GRM7: variants seen among roughly 807,000 people sequenced by gnomAD.
GRM7 encodes the protein metabotropic glutamate receptor 7.
GRM7 carries 35 observed loss-of-function variants against 84.5 expected under a neutral mutation model. The ratio of observed to expected loss-of-function variants is 0.41; its 90% confidence interval spans 0.32 to 0.55. The LOEUF is 0.55. GRM7 is among the 20% of genes least tolerant of loss of function. GRM7 has a pLI of 0.19. For missense variants in GRM7, 1,003 were observed against 1,194.6 expected, an observed-to-expected ratio of 0.84 and a Z score of 2.36; for synonymous variants, 487 against 455.1, an observed-to-expected ratio of 1.07 and a Z score of -0.89.
chr3:7,454,857 C>G (rs1215834779), intron 6 of GRM7, among the ~76,000 whole-genome samples: 1 of 151,892 alleles, frequency 6.6e-6, no homozygotes, highest in African/African-American at 2.4e-5. Flanking sequence ...GGCTCTGTTC[C>G]CTGAGAGGGC....
At chr3:7,163,333 G>C (rs1694694778) in intron 2 of GRM7, among the ~76,000 whole-genome samples, 1 of 152,204 alleles carries the variant, frequency 6.6e-6, no homozygotes. Context: ...AGGAGTGCTA[G>C]CTTCCTGATA....
At chr3:7,335,792 A>G (rs1701395320) in intron 4 of GRM7, among the ~76,000 whole-genome samples, 2 of 152,082 alleles carry the variant, frequency 1.3e-5, no homozygotes, top group African/African-American at 4.8e-5. Flanking sequence ...ATGCACACAA[A>G]CTAGAAAACC....
chr3:6,869,502 T>C (rs994745071), intron 1 of GRM7, among the ~76,000 whole-genome samples: 7 of 152,216 alleles, frequency 4.6e-5, no homozygotes, highest in African/African-American at 1.7e-4. Context: ...ATAGTAGTTA[T>C]GCTGGATTAC....
intron 7 of GRM7, among the ~76,000 whole-genome samples, chr3:7,500,372 C>T (rs1463760823): frequency 1.3e-5 from 2 of 152,130 alleles, no homozygotes; most frequent in Admixed American, 1.3e-4. Flanking sequence ...AATTCAGAGT[C>T]GGTGTTTGCT....
chr3:7,086,966 C>T (rs993147605), intron 1 of GRM7, among the ~76,000 whole-genome samples: 23 of 152,064 alleles, frequency 1.5e-4, no homozygotes, highest in African/African-American at 5.3e-4. Flanking sequence ...CTCATATTTC[C>T]TTCCAGCAGT....
chr3:7,175,866 A>C (rs1172113970), intron 2 of GRM7, among the ~76,000 whole-genome samples: 5 of 152,132 alleles, frequency 3.3e-5, no homozygotes, highest in Admixed American at 1.3e-4. Context: ...AATAAGCATC[A>C]TCAAAAGTAA....
At chr3:7,257,796 C>T (rs535736513) in intron 2 of GRM7, among the ~76,000 whole-genome samples, 78 of 152,234 alleles carry the variant, frequency 5.1e-4, no homozygotes, top group Non-Finnish European at 1.0e-3. Context: ...TGAATCTTTC[C>T]TTAACTTTTA....
chr3:7,124,609 C>G (rs902919764), intron 1 of GRM7, among the ~76,000 whole-genome samples: 31 of 152,054 alleles, frequency 2.0e-4, no homozygotes, highest in Non-Finnish European at 1.5e-5. Flanking sequence ...ATTATTTTGC[C>G]AGGATAGACA....
intron 1 of GRM7, among the ~76,000 whole-genome samples, chr3:6,939,572 T>C (rs1168754584): frequency 6.6e-6 from 1 of 152,188 alleles, no homozygotes. Context: ...ATGTAAGTTT[T>C]AGATAGTGAG....
At chr3:6,918,758 A>G (rs1697024960) in intron 1 of GRM7, among the ~76,000 whole-genome samples, 1 of 152,146 alleles carries the variant, frequency 6.6e-6, no homozygotes, top group South Asian at 2.1e-4. Flanking sequence ...GGCTCAGATA[A>G]TAGGAGAAAT....
chr3:7,319,697 G>T (rs1700704399), intron 4 of GRM7, among the ~76,000 whole-genome samples: 1 of 151,938 alleles, frequency 6.6e-6, no homozygotes, highest in Admixed American at 6.6e-5. Context: ...TTACACAAAA[G>T]CCAACAGGTT....
Position 7,263,856 on chromosome 3 carries a change from C to T in GRM7, c.737-34828C>T, listed in dbSNP as rs570423335. Among the ~76,000 whole-genome samples the T allele has an allele frequency of 4.6e-5, 7 of 152,180 alleles. No individual in the cohort carries two copies. In the South Asian group the frequency reaches 1.2e-3, roughly 27 times the overall value. ...CTGGCAGCAGTGGCATAGCAGGGTG[C>T]GTGCTACAGGCATGCTGGTGGGGAA... On this transcript the variant is annotated intron_variant, in intron 2 of 9. Coordinates refer to ENST00000357716, the MANE Select transcript of GRM7 (RefSeq NM_000844.4).
chr3:6,902,127 C>T (rs979464120), intron 1 of GRM7, among the ~76,000 whole-genome samples: 3 of 152,178 alleles, frequency 2.0e-5, no homozygotes, highest in African/African-American at 7.2e-5. Context: ...AATTTATTCA[C>T]TTCAACCAGA....
chr3:7,199,100 G>A (rs774400820), intron 2 of GRM7, among the ~76,000 whole-genome samples: 15 of 152,222 alleles, frequency 9.9e-5, no homozygotes, highest in South Asian at 2.1e-4. Context: ...CCATTGATCC[G>A]CTCCTTAAAT....
At chr3:7,376,394 A>C (rs927212674) in intron 4 of GRM7, among the ~76,000 whole-genome samples, 2 of 152,096 alleles carry the variant, frequency 1.3e-5, no homozygotes, top group Admixed American at 1.3e-4. Context: ...CCTACCCCAC[A>C]CCTATGCAAA....
chr3:6,906,483 T>C (rs1696582791), intron 1 of GRM7, among the ~76,000 whole-genome samples: 1 of 152,176 alleles, frequency 6.6e-6, no homozygotes, highest in Non-Finnish European at 1.5e-5. Flanking sequence ...CAATTTGACT[T>C]AAAAATTTTA....
rs546498557 is a variant in GRM7 at position 7,188,621 on chromosome 3, T to G, written c.736+41953T>G. The stretch of plus-strand genomic sequence containing the variant: ...AAAGATATTGGAATAAAGGATCTAC[T>G]TGAGTGTATAAGGGTTGGGGAGACA... On this transcript the variant is annotated intron_variant, in intron 2 of 9. Coordinates refer to ENST00000357716, the MANE Select transcript of GRM7 (RefSeq NM_000844.4). The surrounding 1 kb of genome is among the most constrained non-coding windows in gnomAD (Gnocchi z 4.2). 6.6e-6 allele frequency among the ~76,000 whole-genome samples: 1 copy of G among 152,276 alleles called. No homozygotes were observed. The highest frequency in any genetic ancestry group is 2.1e-4 in the South Asian group (1 of 4,824).
At chr3:7,267,895 A>G (rs770087562) in intron 2 of GRM7, among the ~76,000 whole-genome samples, 1 of 150,016 alleles carries the variant, frequency 6.7e-6, no homozygotes, top group African/African-American at 2.4e-5. Flanking sequence ...GTCAAATTCT[A>G]TGTTTTTTTT....
At chr3:7,658,324 G>A (rs955889092) in intron 8 of GRM7, among the ~76,000 whole-genome samples, 1 of 152,170 alleles carries the variant, frequency 6.6e-6, no homozygotes, top group Non-Finnish European at 1.5e-5. Context: ...GTTCTAAAAA[G>A]TCAGAGAGGG....
Sources: gnomAD v4.1 joint callset for allele counts (sites outside exome capture counted in the v4.1 genomes callset) on GRCh38, gnomAD v4.1.1 for gene constraint, Gnocchi (gnomAD v3.1) non-coding constraint, MANE v1.5 for transcripts, NCBI Gene and HGNC (gene_info 2026-07-23, HGNC 2026-07-21) for gene names.